CCBE1: variants seen among roughly 807,000 people sequenced by gnomAD.
The protein encoded by CCBE1 is collagen and calcium binding EGF domains 1.
CCBE1 carries 37 observed loss-of-function variants against 50.0 expected under a neutral mutation model. The observed-to-expected ratio is 0.74, with a 90% CI of 0.57 to 0.97. CCBE1 has a LOEUF of 0.97. CCBE1 is among the 50% of genes least tolerant of loss of function. The pLI, the probability that CCBE1 is intolerant of heterozygous loss-of-function variation, is 0.00. For missense variants in CCBE1, 538 were observed against 523.8 expected (o/e 1.03, Z -0.26); for synonymous variants, 234 against 203.7 (o/e 1.15, Z -1.27).
chr18:59,550,641 G>C (rs749295542), intron 2 of CCBE1, among the ~76,000 whole-genome samples: 1 of 152,130 alleles, frequency 6.6e-6, no homozygotes, highest in Non-Finnish European at 1.5e-5. Context: ...TAGAACATTA[G>C]CAGCTCAAGA....
intron 2 of CCBE1, among the ~76,000 whole-genome samples, chr18:59,578,857 G>T (rs769032011): frequency 1.4e-4 from 21 of 152,160 alleles, no homozygotes; most frequent in Non-Finnish European, 2.6e-4. Flanking sequence ...TAGATGACAG[G>T]TTGATGGGTG....
rs1454349775 is a variant in CCBE1 at position 59,529,187 on chromosome 18, G to T, written c.213-48949C>A. 4.6e-5 allele frequency among the ~76,000 whole-genome samples: 7 copies of T among 152,348 alleles called. No homozygotes were observed. The East Asian group carries it at 1.4e-3, about 29-fold the overall frequency. ...CTGGAGTTGCTGAAATCCCCACAGG[G>T]AGGCCCTGCCCGGTGAGGAGAGATG... is the stretch of plus-strand genomic sequence containing the variant. On this transcript the variant is annotated intron_variant, in intron 2 of 10. Transcript: ENST00000439986.
At chr18:59,448,154 C>A in intron 6 of CCBE1, 51 bp from the exon 7 acceptor site, 1 of 1,610,624 alleles carries the variant, frequency 6.2e-7, no homozygotes, top group South Asian at 1.1e-5. Flanking sequence ...AGAAGAGAGC[C>A]TCGGCATTTG....
At chr18:59,556,100 C>A (rs139969254) in intron 2 of CCBE1, among the ~76,000 whole-genome samples, 1 of 152,200 alleles carries the variant, frequency 6.6e-6, no homozygotes, top group African/African-American at 2.4e-5. Context: ...GGCCCAGGAC[C>A]TCTGTTCCTC....
chr18:59,655,085 CAAAA>C (rs10646215), intron 2 of CCBE1, among the ~76,000 whole-genome samples: 1 of 122,726 alleles, frequency 8.1e-6, no homozygotes, highest in Non-Finnish European at 1.7e-5. Context: ...GAGACTATGT[CAAAA>C]AAAAAAAAAA....
intron 2 of CCBE1, among the ~76,000 whole-genome samples, chr18:59,490,309 A>G (rs1178869008): frequency 6.6e-6 from 1 of 152,000 alleles, no homozygotes; most frequent in Non-Finnish European, 1.5e-5. Flanking sequence ...TACGTAACAA[A>G]ATAAAGGTTA....
At chr18:59,563,875 C>T (rs992024) in intron 2 of CCBE1, 8,558 of 152,108 alleles carry the variant, frequency 0.056, 304 homozygotes, top group African/African-American at 0.098. Context: ...GGGCAGGGAA[C>T]GTGATGAACA....
At chr18:59,484,840 C>T (rs557746179) in intron 2 of CCBE1, among the ~76,000 whole-genome samples, 21 of 152,098 alleles carry the variant, frequency 1.4e-4, no homozygotes, top group Non-Finnish European at 2.2e-4. Flanking sequence ...TCATAAATCA[C>T]CATTTAAAAT....
chr18:59,504,121 T>C (rs1568175347), intron 2 of CCBE1, among the ~76,000 whole-genome samples: 2 of 152,182 alleles, frequency 1.3e-5, no homozygotes, highest in Non-Finnish European at 1.5e-5. Context: ...GAAAAAATGA[T>C]CAAACATCAT....
chr18:59,638,046 G>A (rs966775749), intron 2 of CCBE1, among the ~76,000 whole-genome samples: 1 of 152,246 alleles, frequency 6.6e-6, no homozygotes, highest in South Asian at 2.1e-4. Flanking sequence ...AATTACAGGA[G>A]AATTTTAGGA....
chr18:59,570,614 C>T (rs1047067448), intron 2 of CCBE1, among the ~76,000 whole-genome samples: 11 of 151,910 alleles, frequency 7.2e-5, no homozygotes, highest in Admixed American at 2.0e-4. Flanking sequence ...GAGTATTCTG[C>T]GACACTGCCA....
chr18:59,479,139 G>A (rs1598936442), intron 3 of CCBE1, among the ~76,000 whole-genome samples: 2 of 152,298 alleles, frequency 1.3e-5, no homozygotes, highest in East Asian at 1.9e-4. Context: ...CTGGCTTCTT[G>A]GGCAAAGGTG....
At chr18:59,661,958 C>A (rs1377702145) in intron 2 of CCBE1, among the ~76,000 whole-genome samples, 7 of 131,690 alleles carry the variant, frequency 5.3e-5, no homozygotes, top group Non-Finnish European at 9.6e-5. Context: ...CAGAGTGAGA[C>A]TCAGTCTTAA....
rs10683687 is a variant in CCBE1 at position 59,642,948 on chromosome 18, CAAA to C, written c.212+53678_212+53680del. ...CTGGCAACAGAGTGAGACTCCACCT[CAAA>C]AAAAAAAAAAAAAAAAAAATTACAA... On this transcript the variant is annotated intron_variant, in intron 2 of 10. Transcript: ENST00000439986. 7.9e-4 allele frequency among the ~76,000 whole-genome samples: 74 copies of C among 94,162 alleles called. 1 individual carries two copies. Among genetic ancestry groups the C allele is most frequent in the Non-Finnish European group, 1.2e-3 (57 of 48,686 alleles). The allele number at this position is 94,162 out of a possible 152,430, so 61.8% of individuals were successfully genotyped here.
At chr18:59,536,289 G>A (rs993586309) in intron 2 of CCBE1, among the ~76,000 whole-genome samples, 1 of 152,102 alleles carries the variant, frequency 6.6e-6, no homozygotes, top group African/African-American at 2.4e-5. Flanking sequence ...TCCGCATAGA[G>A]CCTGGACAGC....
chr18:59,491,589 G>A (rs180943389), intron 2 of CCBE1, among the ~76,000 whole-genome samples: 3 of 125,546 alleles, frequency 2.4e-5, no homozygotes, highest in Non-Finnish European at 5.8e-5. Flanking sequence ...CAAGGCGGGC[G>A]GATCACCTGA....
In CCBE1 at chr18:59,435,734, G is replaced by T; in HGVS notation, c.*174C>A. The T allele has an allele frequency of 1.4e-6, 1 of 709,932 alleles. No individual in the cohort carries two copies. Among genetic ancestry groups the T allele is most frequent in the Non-Finnish European group, 2.5e-6 (1 of 395,978 alleles). 44.0% of individuals were successfully genotyped at this position (709,932 alleles called of 1,614,324 possible). ...CTCCCTCATGTCTGCAGGCCTAGGA[G>T]GGGACTCTGAAAATAGCATCGTATT... On this transcript the variant is annotated 3_prime_UTR_variant, in exon 11 of 11. Transcript: ENST00000439986.
chr18:59,639,650 G>A (rs367810851), intron 2 of CCBE1, among the ~76,000 whole-genome samples: 123 of 152,260 alleles, frequency 8.1e-4, no homozygotes, highest in African/African-American at 2.9e-3. Context: ...CCAGAAGTTA[G>A]GCAAGAGAAA....
At chr18:59,553,108 G>T (rs1375788907) in intron 2 of CCBE1, among the ~76,000 whole-genome samples, 1 of 152,178 alleles carries the variant, frequency 6.6e-6, no homozygotes, top group Non-Finnish European at 1.5e-5. Flanking sequence ...ACAGAAGGTT[G>T]CCCATCCTAA....
Sources: allele counts gnomAD v4.1 joint callset (sites outside exome capture counted in the v4.1 genomes callset), GRCh38; gene constraint gnomAD v4.1.1; transcripts MANE v1.5; gene names NCBI Gene and HGNC (gene_info 2026-07-23, HGNC 2026-07-21).